Variants in RC3H2 observed in about 807,000 individuals in gnomAD.
RC3H2 encodes the protein roquin-2.
In RC3H2, 31 loss-of-function variants were observed where a neutral mutation model predicts 133.3. The observed-to-expected ratio is 0.23, with a 90% CI of 0.17 to 0.31. RC3H2 has a LOEUF of 0.31. Among genes scored for constraint, RC3H2 ranks in the 10% least tolerant of loss-of-function variants. The pLI is 1.00. For missense variants in RC3H2, 1,175 were observed against 1,437.2 expected (o/e 0.82, Z 2.95); for synonymous variants, 517 against 502.2 (o/e 1.03, Z -0.40).
In RC3H2 at chr9:122,883,187, A is replaced by G. The variant is rs1242450006; in HGVS notation, c.759+17T>C. 1.2e-6 allele frequency: 2 copies of G among 1,606,522 alleles called. No individual in the cohort carries two copies. Among genetic ancestry groups the G allele is most frequent in the African/African-American group, 2.7e-5 (2 of 74,396 alleles). On this transcript the variant is annotated intron_variant, in intron 5 of 20. Coordinates refer to ENST00000357244, the MANE Select transcript of RC3H2 (RefSeq NM_001100588.3). The stretch of plus-strand genomic sequence containing the variant: ...CTCACAAACAGGCATGTCTTTACAT[A>G]GATACTTACTGCTTACCTTAAAACA...
intron 10 of RC3H2, among the ~76,000 whole-genome samples, chr9:122,865,110 G>A (rs1830588918): frequency 6.6e-6 from 1 of 152,244 alleles, no homozygotes; most frequent in East Asian, 1.9e-4. Flanking sequence ...CTTTGGGAGA[G>A]TTGAGGAAAA....
rs1829859095 is a variant in RC3H2, at chr9:122,845,898, T to G, written c.*3729A>C. The G allele has an allele frequency of 6.6e-6, 1 of 152,186 alleles. No individual in the cohort carries two copies. 9.4% of individuals were successfully genotyped at this position (152,186 alleles called of 1,614,324 possible). On this transcript the variant is annotated 3_prime_UTR_variant, in exon 21 of 21. Coordinates refer to ENST00000357244, the MANE Select transcript of RC3H2 (RefSeq NM_001100588.3). ...ATAGTTGCAATGCAACTTTTCCCTTTAATGCTTAGTTATCAATACTGGTGA... is the reference window on the plus strand; with the variant it reads ...ATAGTTGCAATGCAACTTTTCCCTTGAATGCTTAGTTATCAATACTGGTGA...
rs767744764 is a variant in RC3H2 at position 122,851,179 on chromosome 9, T to C, written c.3282A>G (p.Leu1094=). Residue 1094 remains leucine, a synonymous_variant, in exon 20 of 21, where the codon CTA becomes CTG. Transcript: ENST00000357244. ...LGISSQNDQL[L]NGMAVENGHP... is the part of the protein sequence containing the mutation. ...GCCCATTTTCCACTGCCATTCCATT[T>C]AGCAACTGATCATTTTGAGAACTGA... 12 of 1,614,070 alleles carry C rather than the reference T, an allele frequency of 7.4e-6. No homozygotes were observed. The Admixed American group carries it at 1.2e-4, about 16-fold the overall frequency.
At chr9:122,901,184 T>C (rs1289452786) in intron 1 of RC3H2, among the ~76,000 whole-genome samples, 1 of 152,240 alleles carries the variant, frequency 6.6e-6, no homozygotes, top group Non-Finnish European at 1.5e-5. Flanking sequence ...TTAATAAAAA[T>C]GTAAACCTTA....
rs1476860962 is a variant in RC3H2, at chr9:122,848,452, C to T, written c.*1175G>A. 1 of 152,074 alleles carries T rather than the reference C, an allele frequency of 6.6e-6. No homozygotes were observed. Among genetic ancestry groups the T allele is most frequent in the African/African-American group, 2.4e-5 (1 of 41,424 alleles). 9.4% of individuals were successfully genotyped at this position (152,074 alleles called of 1,614,324 possible). The stretch of plus-strand genomic sequence containing the variant: ...ATACTTTCAGATGCCAAGTCAAAAC[C>T]ATTTCAGTCACATTTTAGCAAGGCA... On this transcript the variant is annotated 3_prime_UTR_variant, in exon 21 of 21. Transcript: ENST00000357244.
At chr9:122,883,126 C>G in intron 5 of RC3H2, 78 bp downstream of exon 5, 2 of 1,393,328 alleles carry the variant, frequency 1.4e-6, no homozygotes, top group Non-Finnish European at 2.0e-6. Context: ...GCTAGGGCCT[C>G]TAGACTGGGT....
At chr9:122,900,350 G>A (rs995394045) in intron 1 of RC3H2, among the ~76,000 whole-genome samples, 5 of 152,072 alleles carry the variant, frequency 3.3e-5, no homozygotes, top group Non-Finnish European at 5.9e-5. Context: ...ACGATCAGAT[G>A]TAAGAAACGC....
chr9:122,849,827 G>A lies in RC3H2; in HGVS notation c.3381-5C>T. The A allele has an allele frequency of 4.5e-6, 7 of 1,551,034 alleles. No individual in the cohort carries two copies. The highest frequency in any genetic ancestry group is 4.3e-5 in the Admixed American group (2 of 46,686). On this transcript the variant is annotated splice_polypyrimidine_tract_variant and splice_region_variant and intron_variant, in intron 20 of 20. Transcript: ENST00000357244. The stretch of plus-strand genomic sequence containing the variant: ...AGAATTGTTTTTTGCTCCTCCCTGA[G>A]AAAAAAGAAATGACATTAAAAACAA...
rs1831829666 is a variant in RC3H2 at position 122,884,810 on chromosome 9, G to A, written c.584-1431C>T. ...GGAGGTTGCAGTGAGCCGAGATTAC[G>A]CCACTGCACTCCAGCCTGGCGACAT... On this transcript the variant is annotated intron_variant, in intron 4 of 20. Coordinates refer to ENST00000357244, the MANE Select transcript of RC3H2 (RefSeq NM_001100588.3). Among the ~76,000 whole-genome samples, 3 of 149,400 alleles carry A rather than the reference G, an allele frequency of 2.0e-5. No homozygotes were observed. In the Admixed American group the frequency reaches 2.0e-4, roughly 10 times the overall value.
In RC3H2 at chr9:122,851,235, A is replaced by G. The variant is rs1391611255; in HGVS notation, c.3232-6T>C. On this transcript the variant is annotated splice_polypyrimidine_tract_variant and splice_region_variant and intron_variant, in intron 19 of 20. Transcript: ENST00000357244. ...AGCTGTATGTCCAAGATCTCCTAAG[A>G]AAATAAAATGTTAATCCTTCAGTAT... is the stretch of plus-strand genomic sequence containing the variant. 6.2e-7 allele frequency: 1 copy of G among 1,613,838 alleles called. No individual in the cohort carries two copies. Among genetic ancestry groups the G allele is most frequent in the Non-Finnish European group, 8.5e-7 (1 of 1,179,716 alleles).
At chr9:122,876,445 T>C (rs1831341150) in intron 9 of RC3H2, among the ~76,000 whole-genome samples, 1 of 152,000 alleles carries the variant, frequency 6.6e-6, no homozygotes, top group African/African-American at 2.4e-5. Context: ...CTGGTGAACA[T>C]GGTGAAACCC....
At chr9:122,895,619 G>A (rs1832385518) in intron 2 of RC3H2, among the ~76,000 whole-genome samples, 1 of 152,188 alleles carries the variant, frequency 6.6e-6, no homozygotes, top group Admixed American at 6.5e-5. Context: ...ATTTCATAGT[G>A]TGTAACTTGA....
Position 122,849,564 on chromosome 9 carries a change from A to G in RC3H2, c.*63T>C, listed in dbSNP as rs933521891. 3 of 714,166 alleles carry G rather than the reference A, an allele frequency of 4.2e-6. No individual in the cohort carries two copies. The Admixed American group carries it at 1.0e-4, about 25-fold the overall frequency. The allele number at this position is 714,166 out of a possible 1,614,324, so 44.2% of individuals were successfully genotyped here. A position where few individuals can be genotyped will look rare whatever the true frequency, so the allele number is the denominator to read the frequency against. The stretch of plus-strand genomic sequence containing the variant: ...ATACATTATATAATATATATTATAT[A>G]TATAAAAAGCTAGTGTAAATGCTTC... On this transcript the variant is annotated 3_prime_UTR_variant, in exon 21 of 21. Coordinates refer to ENST00000357244, the MANE Select transcript of RC3H2 (RefSeq NM_001100588.3).
At chr9:122,904,267 G>A (rs189254271) in intron 1 of RC3H2, among the ~76,000 whole-genome samples, 1 of 152,168 alleles carries the variant, frequency 6.6e-6, no homozygotes, top group Non-Finnish European at 1.5e-5. Flanking sequence ...TAAATCACTG[G>A]ATTAGATTTA....
intron 1 of RC3H2, 145 bp from the exon 2 acceptor site, chr9:122,897,721 A>G: frequency 1.8e-6 from 1 of 568,170 alleles, no homozygotes; most frequent in South Asian, 2.4e-5. Flanking sequence ...TAAAAAACCT[A>G]TTTGCTGAAT....
intron 9 of RC3H2, among the ~76,000 whole-genome samples, chr9:122,867,823 C>T (rs1588073190): frequency 9.0e-6 from 1 of 110,796 alleles, no homozygotes; most frequent in South Asian, 3.2e-4. Flanking sequence ...AGCCCCTCCG[C>T]CCGGCAGCCG....
chr9:122,901,503 A>G (rs74404492), intron 1 of RC3H2, among the ~76,000 whole-genome samples: 1,736 of 152,148 alleles, frequency 0.011, 28 homozygotes, highest in African/African-American at 0.039. Context: ...TGTGAAGTAT[A>G]TATGACTCAA....
intron 4 of RC3H2, among the ~76,000 whole-genome samples, chr9:122,888,532 G>C (rs1287907459): frequency 1.3e-5 from 2 of 152,144 alleles, no homozygotes; most frequent in African/African-American, 4.8e-5. Flanking sequence ...AAATGAATAA[G>C]TGGATTTTCT....
intron 9 of RC3H2, among the ~76,000 whole-genome samples, chr9:122,867,736 A>C (rs1419326249): frequency 3.3e-5 from 3 of 90,978 alleles, no homozygotes; most frequent in Non-Finnish European, 7.1e-5. Context: ...GGAGGTGAGG[A>C]GCGTCTCTGC....
Sources: gnomAD v4.1 joint callset for allele counts (sites outside exome capture counted in the v4.1 genomes callset) on GRCh38, gnomAD v4.1.1 for gene constraint, MANE v1.5 for transcripts, NCBI Gene and HGNC (gene_info 2026-07-23, HGNC 2026-07-21) for gene names.